Variants in IGF1R observed in about 807,000 individuals in gnomAD.
IGF1R encodes the protein insulin like growth factor 1 receptor.
Under a neutral mutation model 144.6 loss-of-function variants are expected in IGF1R, and 44 were observed. The ratio of observed to expected loss-of-function variants is 0.30; its 90% CI spans 0.24 to 0.39. The LOEUF (loss-of-function observed/expected upper bound fraction) is 0.39, where lower values mean the gene tolerates loss of function less well. IGF1R is among the 10% of genes least tolerant of loss of function. The pLI is 1.00. For missense variants in IGF1R, 1,355 were observed against 1,833.7 expected (o/e 0.74, Z 4.77); for synonymous variants, 795 against 722.8 (o/e 1.10, Z -1.60).
intron 19 of IGF1R, among the ~76,000 whole-genome samples, chr15:98,946,141 A>G (rs1246572370): frequency 2.0e-5 from 3 of 147,456 alleles, no homozygotes; most frequent in African/African-American, 7.4e-5. Context: ...AGAAGAGATG[A>G]AGTTGTGTAG....
At chr15:98,823,723 C>G (rs1210842242) in intron 2 of IGF1R, among the ~76,000 whole-genome samples, 1 of 152,174 alleles carries the variant, frequency 6.6e-6, no homozygotes, top group African/African-American at 2.4e-5. Flanking sequence ...TGCTTAGTAA[C>G]CATAACTTCT....
At chr15:98,656,564 A>G (rs189252039) in intron 1 of IGF1R, among the ~76,000 whole-genome samples, 27 of 152,126 alleles carry the variant, frequency 1.8e-4, no homozygotes, top group Middle Eastern at 3.4e-3. Flanking sequence ...CAAAATACAT[A>G]TATAAAAATA....
chr15:98,897,869 T>C (rs1311616303), intron 4 of IGF1R, among the ~76,000 whole-genome samples: 1 of 152,116 alleles, frequency 6.6e-6, no homozygotes, highest in Non-Finnish European at 1.5e-5. Context: ...ATAAATATCG[T>C]AAAATGGCTT....
At chr15:98,732,133 A>G (rs532932413) in intron 2 of IGF1R, among the ~76,000 whole-genome samples, 1 of 152,294 alleles carries the variant, frequency 6.6e-6, no homozygotes, top group South Asian at 2.1e-4. Flanking sequence ...TGACATGGAA[A>G]CCAACCAAAT....
intron 1 of IGF1R, among the ~76,000 whole-genome samples, chr15:98,653,221 G>A (rs2052411712): frequency 6.6e-6 from 1 of 152,160 alleles, no homozygotes; most frequent in Admixed American, 6.5e-5. Flanking sequence ...CACAAATGCT[G>A]GTGGAGGGCA....
chr15:98,936,705 AT>A (rs1172636074), intron 17 of IGF1R, among the ~76,000 whole-genome samples: 5 of 151,890 alleles, frequency 3.3e-5, no homozygotes, highest in Non-Finnish European at 5.9e-5. Context: ...ACCTGTTCAC[AT>A]ATGACTTCAT....
rs898148585 is a variant in IGF1R, at chr15:98,959,188, G to GAC, written c.*1752_*1753dup. On this transcript the variant is annotated 3_prime_UTR_variant, in exon 21 of 21. Coordinates refer to ENST00000650285, the MANE Select transcript of IGF1R (RefSeq NM_000875.5). ...TTTCCCTTGCCTTTGCTTAGGTTGT[G>GAC]ACACACATATATATATATTTTTTTA... 6 of 233,400 alleles carry GAC rather than the reference G, an allele frequency of 2.6e-5. No individual in the cohort carries two copies. The highest frequency in any genetic ancestry group is 5.6e-5 in the Admixed American group (1 of 17,786). 14.5% of individuals were successfully genotyped at this position (233,400 alleles called of 1,614,324 possible).
In IGF1R at chr15:98,962,325, C is replaced by T. The variant is rs377285867; in HGVS notation, c.*4883C>T. ...TTTCAAGTTTGGGGTTTGTTCTTTT[C>T]GTTAATGTTCCTCTGTGTTGTCAGC... On this transcript the variant is annotated 3_prime_UTR_variant, in exon 21 of 21. Transcript: ENST00000650285. 262 of 233,464 alleles carry T rather than the reference C, an allele frequency of 1.1e-3. 2 individuals are homozygous for T. The highest frequency in any genetic ancestry group is 5.5e-3 in the African/African-American group (248 of 45,476). 14.5% of individuals were successfully genotyped at this position (233,464 alleles called of 1,614,324 possible).
intron 2 of IGF1R, among the ~76,000 whole-genome samples, chr15:98,826,039 T>A (rs2056889292): frequency 6.6e-6 from 1 of 152,160 alleles, no homozygotes. Flanking sequence ...GATGAAATGG[T>A]ATAGTCTGTG....
Position 98,707,219 on chromosome 15 carries a change from G to T in IGF1R, c.95-343G>T, listed in dbSNP as rs2053887014. ...AACGGACCAGGAGTGTGCGGTGGTG[G>T]AGTCCGGCTGGCCTGGGTTGCAGAT... On this transcript the variant is annotated intron_variant, in intron 1 of 20. Transcript: ENST00000650285. The surrounding 1 kb of genome is among the most constrained non-coding windows in gnomAD (Gnocchi z 6.7). 6.6e-6 allele frequency among the ~76,000 whole-genome samples: 1 copy of T among 152,200 alleles called. No homozygotes were observed. The highest frequency in any genetic ancestry group is 2.4e-5 in the African/African-American group (1 of 41,458).
At chr15:98,789,196 T>C (rs2056074519) in intron 2 of IGF1R, among the ~76,000 whole-genome samples, 1 of 152,238 alleles carries the variant, frequency 6.6e-6, no homozygotes, top group Admixed American at 6.5e-5. Context: ...AGTTATATTA[T>C]TCCTAGGTTA....
chr15:98,732,477 C>G (rs1224292175), intron 2 of IGF1R, among the ~76,000 whole-genome samples: 2 of 152,110 alleles, frequency 1.3e-5, no homozygotes, highest in African/African-American at 4.8e-5. Context: ...ATCTGTGTTT[C>G]CTGAAGGGTC....
chr15:98,956,350 T>G (rs535155040), intron 20 of IGF1R, among the ~76,000 whole-genome samples: 192 of 152,316 alleles, frequency 1.3e-3, no homozygotes, highest in African/African-American at 4.5e-3. Context: ...CTTGCTGGCT[T>G]GTTGGAATCT....
chr15:98,727,744 G>T (rs1474460205), intron 2 of IGF1R, among the ~76,000 whole-genome samples: 2 of 152,152 alleles, frequency 1.3e-5, no homozygotes, highest in East Asian at 3.9e-4. Context: ...TTGTCCTCCG[G>T]GTGGGTCCAG....
At chr15:98,684,759 G>C (rs1164032567) in intron 1 of IGF1R, among the ~76,000 whole-genome samples, 1 of 152,054 alleles carries the variant, frequency 6.6e-6, no homozygotes, top group Admixed American at 6.6e-5. Flanking sequence ...GCGCATGTGG[G>C]ATTTGGCTTC....
chr15:98,818,718 A>G (rs895720275), intron 2 of IGF1R, among the ~76,000 whole-genome samples: 11 of 151,982 alleles, frequency 7.2e-5, no homozygotes, highest in Non-Finnish European at 1.5e-4. Context: ...ACTAGTCTCT[A>G]CCTGCTAGAT....
At chr15:98,840,261 T>TA (rs1375374207) in intron 2 of IGF1R, among the ~76,000 whole-genome samples, 2 of 152,178 alleles carry the variant, frequency 1.3e-5, no homozygotes, top group Non-Finnish European at 2.9e-5. Flanking sequence ...TGATGAAAGA[T>TA]ACTGCAAAAA....
chr15:98,660,153 A>T lies in IGF1R; in HGVS notation c.94+10478A>T, dbSNP rs192034949. On this transcript the variant is annotated intron_variant, in intron 1 of 20. Transcript: ENST00000650285. ...AAATCTTTGTTTGGCTGTCTGAGAG[A>T]GAACTTCAGCCTCCCTTCCTCCCAG... The T allele has an allele frequency of 1.5e-3, 236 of 152,316 alleles. 1 individual carries two copies. The highest frequency in any genetic ancestry group is 5.3e-3 in the African/African-American group (219 of 41,560). 9.4% of individuals were successfully genotyped at this position (152,316 alleles called of 1,614,324 possible).
rs1244429737 is a variant in IGF1R at position 98,959,884 on chromosome 15, A to T, written c.*2442A>T. 3 of 231,708 alleles carry T rather than the reference A, an allele frequency of 1.3e-5. No individual in the cohort carries two copies. The highest frequency in any genetic ancestry group is 5.7e-5 in the Admixed American group (1 of 17,650). 14.4% of individuals were successfully genotyped at this position (231,708 alleles called of 1,614,324 possible). A position where few individuals can be genotyped will look rare whatever the true frequency, so the allele number is the denominator to read the frequency against. The stretch of plus-strand genomic sequence containing the variant: ...AAAAAAAAAAGGTATTATATGTAGG[A>T]GTTTTCTTTTAATTTATTTTGTGAT... On this transcript the variant is annotated 3_prime_UTR_variant, in exon 21 of 21. Coordinates refer to ENST00000650285, the MANE Select transcript of IGF1R (RefSeq NM_000875.5).
Sources: allele counts gnomAD v4.1 joint callset (sites outside exome capture counted in the v4.1 genomes callset), GRCh38; gene constraint gnomAD v4.1.1; non-coding constraint Gnocchi (gnomAD v3.1); transcripts MANE v1.5; gene names NCBI Gene and HGNC (gene_info 2026-07-23, HGNC 2026-07-21).